The following SEZ6L variants were observed in gnomAD, a reference collection of about 807,000 sequenced individuals.
The protein encoded by SEZ6L is seizure related 6 homolog like, also known as seizure 6-like protein.
SEZ6L carries 37 observed loss-of-function variants against 106.2 expected under a neutral mutation model. The observed-to-expected ratio is 0.35, with a 90% confidence interval of 0.27 to 0.46. SEZ6L has a LOEUF of 0.46. SEZ6L is among the 20% of genes least tolerant of loss of function. The pLI is 1.00. For synonymous variants in SEZ6L, 541 were observed against 570.4 expected (o/e 0.95, Z 0.73); for missense variants, 1,172 against 1,332.8 (o/e 0.88, Z 1.88).
intron 1 of SEZ6L, among the ~76,000 whole-genome samples, chr22:26,191,507 C>T (rs111924559): frequency 0.014 from 2,101 of 151,228 alleles, 48 homozygotes; most frequent in African/African-American, 0.047. Flanking sequence ...ATACTGCATG[C>T]TCTCACTTGT....
intron 1 of SEZ6L, among the ~76,000 whole-genome samples, chr22:26,195,361 C>T (rs892366850): frequency 3.9e-5 from 6 of 152,168 alleles, no homozygotes; most frequent in Admixed American, 6.5e-5. Context: ...ATTTCAGCCT[C>T]GCCACTGCCT....
chr22:26,182,799 G>A (rs2046452656), intron 1 of SEZ6L, among the ~76,000 whole-genome samples: 3 of 151,822 alleles, frequency 2.0e-5, no homozygotes, highest in Non-Finnish European at 4.4e-5. Flanking sequence ...CAGAAGGCAG[G>A]GGTCCAAGTG....
chr22:26,288,914 C>A (rs1452663134), intron 1 of SEZ6L, among the ~76,000 whole-genome samples: 1 of 151,466 alleles, frequency 6.6e-6, no homozygotes. Flanking sequence ...GCCAGATAAC[C>A]CAAAAAAAAA....
intron 9 of SEZ6L, among the ~76,000 whole-genome samples, chr22:26,330,485 T>C (rs2082446213): frequency 6.6e-6 from 1 of 152,184 alleles, no homozygotes; most frequent in South Asian, 2.1e-4. Context: ...AGGTGTTTTC[T>C]AGCAGAGAAG....
rs138710653 is a variant in SEZ6L at position 26,214,272 on chromosome 22, T to G, written c.94+44509T>G. ...CTTCACCTCTCTGAGCCTGGTTTCT[T>G]CATCTGAGAAACGGAAGCAGTGATA... is the stretch of plus-strand genomic sequence containing the variant. On this transcript the variant is annotated intron_variant, in intron 1 of 16. Transcript: ENST00000248933. 2.1e-3 allele frequency among the ~76,000 whole-genome samples: 325 copies of G among 152,344 alleles called. 2 individuals are homozygous for G. Among genetic ancestry groups the G allele is most frequent in the African/African-American group, 7.6e-3 (315 of 41,582 alleles).
chr22:26,173,612 A>G (rs937838438), intron 1 of SEZ6L, among the ~76,000 whole-genome samples: 8 of 152,234 alleles, frequency 5.3e-5, no homozygotes, highest in African/African-American at 1.4e-4. Flanking sequence ...ATTTGAATTT[A>G]CCGAGCACTT....
rs150577495 is a variant in SEZ6L, at chr22:26,187,852, A to G, written c.94+18089A>G. Among the ~76,000 whole-genome samples, 13 of 152,334 alleles carry G rather than the reference A, an allele frequency of 8.5e-5. No homozygotes were observed. The East Asian group carries it at 2.5e-3, about 29-fold the overall frequency. The stretch of plus-strand genomic sequence containing the variant: ...TGAACTATAAAAATGTGCTTGGGGC[A>G]GAAATTAGACATACCAAGCTTTTTC... On this transcript the variant is annotated intron_variant, in intron 1 of 16. Transcript: ENST00000248933.
At chr22:26,222,259 C>G (rs1481050340) in intron 1 of SEZ6L, among the ~76,000 whole-genome samples, 1 of 152,302 alleles carries the variant, frequency 6.6e-6, no homozygotes, top group Admixed American at 6.5e-5. Context: ...TAGAGTGCAG[C>G]ACTTGGAGGG....
intron 13 of SEZ6L, among the ~76,000 whole-genome samples, chr22:26,370,178 C>G (rs569993626): frequency 6.6e-6 from 1 of 151,964 alleles, no homozygotes; most frequent in African/African-American, 2.4e-5. Flanking sequence ...GTCAGGAGTT[C>G]GAGACCATCC....
rs5844691 is a variant in SEZ6L, at chr22:26,373,498, G to GAAA, written c.2827+25_2827+27dup. ...TGCTTTAGAAGGTGAGTTCCAGAACGAAAAAAAAAAAAGTTCAATAAATCA... is the reference window on the plus strand; with the variant it reads ...TGCTTTAGAAGGTGAGTTCCAGAACGAAAAAAAAAAAAAAAGTTCAATAAATCA... On this transcript the variant is annotated intron_variant, in intron 14 of 16. Coordinates refer to ENST00000248933, the MANE Select transcript of SEZ6L (RefSeq NM_021115.5). 1.3e-4 allele frequency: 173 copies of GAAA among 1,350,348 alleles called. No homozygotes were observed. Among genetic ancestry groups the GAAA allele is most frequent in the South Asian group, 3.3e-4 (23 of 69,504 alleles). 83.6% of individuals were successfully genotyped at this position (1,350,348 alleles called of 1,614,324 possible).
At chr22:26,276,804 G>C (rs917513067) in intron 1 of SEZ6L, among the ~76,000 whole-genome samples, 7 of 152,188 alleles carry the variant, frequency 4.6e-5, no homozygotes, top group Non-Finnish European at 1.0e-4. Flanking sequence ...GGTTATGAAG[G>C]AGGGAAGGAA....
At chr22:26,276,016 G>A (rs998146733) in intron 1 of SEZ6L, among the ~76,000 whole-genome samples, 1 of 152,148 alleles carries the variant, frequency 6.6e-6, no homozygotes, top group African/African-American at 2.4e-5. Flanking sequence ...AACCAGCCCG[G>A]CTTCAAATCC....
At position 26,320,299 on chromosome 22, in the gene SEZ6L, C is replaced by A. The variant is rs147027203; in HGVS notation, c.2015+6397C>A. ...GTATCATTCTCCCGGGTGTTCTGAG[C>A]ACTGGACACTAAGCCAAGCAGAAAG... On this transcript the variant is annotated intron_variant, in intron 9 of 16. Coordinates refer to ENST00000248933, the MANE Select transcript of SEZ6L (RefSeq NM_021115.5). Among the ~76,000 whole-genome samples, 697 of 152,096 alleles carry A rather than the reference C, an allele frequency of 4.6e-3. 7 individuals carry two copies. The highest frequency in any genetic ancestry group is 0.016 in the African/African-American group (662 of 41,492).
At chr22:26,359,820 A>G (rs546566735) in intron 12 of SEZ6L, among the ~76,000 whole-genome samples, 3 of 152,256 alleles carry the variant, frequency 2.0e-5, no homozygotes, top group South Asian at 4.1e-4. Flanking sequence ...AAAATAAAAT[A>G]AAGTAGGAAT....
chr22:26,255,712 G>A (rs1462983550), intron 1 of SEZ6L, among the ~76,000 whole-genome samples: 1 of 152,216 alleles, frequency 6.6e-6, no homozygotes, highest in Non-Finnish European at 1.5e-5. Context: ...CATAGCAAAA[G>A]CATCCCCAGA....
intron 9 of SEZ6L, among the ~76,000 whole-genome samples, chr22:26,327,268 CCACACA>C (rs140370359): frequency 6.8e-6 from 1 of 146,514 alleles, no homozygotes; most frequent in Non-Finnish European, 1.5e-5. Context: ...CTCACACACA[CCACACA>C]CACACACCAC....
At chr22:26,200,412 G>T (rs1021886794) in intron 1 of SEZ6L, among the ~76,000 whole-genome samples, 2 of 152,126 alleles carry the variant, frequency 1.3e-5, no homozygotes, top group African/African-American at 4.8e-5. Context: ...GCTTTCAAGG[G>T]GTGCACAGGC....
chr22:26,316,645 A>G (rs888520692), intron 9 of SEZ6L, among the ~76,000 whole-genome samples: 3 of 152,082 alleles, frequency 2.0e-5, no homozygotes, highest in Non-Finnish European at 4.4e-5. Context: ...CAGCCCAGCC[A>G]ACATGGTGAA....
chr22:26,200,577 G>A (rs948225125), intron 1 of SEZ6L, among the ~76,000 whole-genome samples: 1 of 152,182 alleles, frequency 6.6e-6, no homozygotes, highest in African/African-American at 2.4e-5. Flanking sequence ...GGGGTGGAAG[G>A]AGATGAGGAA....
Sources: gnomAD v4.1 joint callset for allele counts (sites outside exome capture counted in the v4.1 genomes callset) on GRCh38, gnomAD v4.1.1 for gene constraint, MANE v1.5 for transcripts, NCBI Gene and HGNC (gene_info 2026-07-23, HGNC 2026-07-21) for gene names.